Variants in LMAN2L observed in about 807,000 individuals in gnomAD.
LMAN2L encodes the protein VIP36-like protein.
LMAN2L carries 30 observed loss-of-function variants against 44.3 expected under a neutral mutation model. The ratio of observed to expected loss-of-function variants is 0.68; its 90% confidence interval spans 0.51 to 0.92. The LOEUF (loss-of-function observed/expected upper bound fraction) is 0.92, where lower values mean the gene tolerates loss of function less well. LMAN2L is among the 40% of genes least tolerant of loss of function. The pLI is 0.00. For missense variants in LMAN2L, 429 were observed against 446.1 expected, an observed-to-expected ratio of 0.96 and a Z score of 0.35; for synonymous variants, 183 against 171.1, an observed-to-expected ratio of 1.07 and a Z score of -0.54.
chr2:96,714,856 G>A (rs963157064), intron 4 of LMAN2L, among the ~76,000 whole-genome samples: 3 of 152,224 alleles, frequency 2.0e-5, no homozygotes, highest in Admixed American at 1.3e-4. Flanking sequence ...GGGAGCACCT[G>A]AAGGAGCTTG....
intron 4 of LMAN2L, among the ~76,000 whole-genome samples, chr2:96,718,373 A>AT (rs2153325104): frequency 6.6e-6 from 1 of 152,318 alleles, no homozygotes; most frequent in East Asian, 1.9e-4. Context: ...TATATCTGCA[A>AT]TTTTTTAAAC....
At chr2:96,707,861 T>G (rs770635031) in intron 6 of LMAN2L, 28 bp from the exon 7 acceptor site, 2 of 1,610,822 alleles carry the variant, frequency 1.2e-6, no homozygotes, top group East Asian at 4.5e-5. Flanking sequence ...AAGGATGACT[T>G]GTGCCACTTG....
At chr2:96,732,324 T>C (rs555294560) in intron 4 of LMAN2L, among the ~76,000 whole-genome samples, 2 of 151,746 alleles carry the variant, frequency 1.3e-5, no homozygotes, top group African/African-American at 4.8e-5. Context: ...CCGTAGGACA[T>C]AGAGAGAGTA....
chr2:96,719,113 A>G (rs535196274), intron 4 of LMAN2L, among the ~76,000 whole-genome samples: 1 of 152,244 alleles, frequency 6.6e-6, no homozygotes, highest in South Asian at 2.1e-4. Context: ...CCCATTATGT[A>G]TGTCTTTATT....
intron 6 of LMAN2L, among the ~76,000 whole-genome samples, chr2:96,709,481 G>A (rs1479997506): frequency 4.6e-5 from 7 of 152,188 alleles, no homozygotes; most frequent in Admixed American, 3.9e-4. Context: ...TACTAGGTTG[G>A]TTACTGACTG....
rs76352910 is a variant in LMAN2L, at chr2:96,724,321, C to T, written c.507+9198G>A. 9.1e-3 allele frequency among the ~76,000 whole-genome samples: 1,383 copies of T among 152,196 alleles called. 19 individuals are homozygous for T. Among genetic ancestry groups the T allele is most frequent in the African/African-American group, 0.031 (1,290 of 41,522 alleles). ...GGTTATTCTGAGTCCCTTGAATTTC[C>T]ATATGGATGTTAAGATCAGCTTGTG... On this transcript the variant is annotated intron_variant, in intron 4 of 7. Coordinates refer to ENST00000264963, the MANE Select transcript of LMAN2L (RefSeq NM_030805.4).
chr2:96,739,701 T>G (rs1481335968), intron 1 of LMAN2L, among the ~76,000 whole-genome samples, 153 bp downstream of exon 1: 1 of 152,118 alleles, frequency 6.6e-6, no homozygotes, highest in African/African-American at 2.4e-5. Flanking sequence ...TTCAGACCTG[T>G]GGCTCCCAAA....
intron 4 of LMAN2L, among the ~76,000 whole-genome samples, chr2:96,714,903 G>C (rs935005528): frequency 6.6e-6 from 1 of 152,132 alleles, no homozygotes; most frequent in Non-Finnish European, 1.5e-5. Context: ...CAGTCAAAGA[G>C]TCTCATTCGT....
chr2:96,716,969 C>T (rs2078052152), intron 4 of LMAN2L, among the ~76,000 whole-genome samples: 2 of 152,166 alleles, frequency 1.3e-5, no homozygotes, highest in South Asian at 4.2e-4. Context: ...GACTTTCTTT[C>T]ATTATAAAGG....
intron 4 of LMAN2L, among the ~76,000 whole-genome samples, chr2:96,717,828 A>G (rs953386448): frequency 1.3e-5 from 2 of 151,252 alleles, no homozygotes; most frequent in Non-Finnish European, 3.0e-5. Flanking sequence ...AACAAGAGCA[A>G]AACTCTGTCT....
intron 4 of LMAN2L, among the ~76,000 whole-genome samples, chr2:96,718,502 T>C (rs1200852494): frequency 6.6e-6 from 1 of 152,200 alleles, no homozygotes; most frequent in Admixed American, 6.5e-5. Context: ...TATATAAAAA[T>C]AATTAACAAA....
intron 4 of LMAN2L, among the ~76,000 whole-genome samples, chr2:96,732,787 CT>C (rs1258834482): frequency 6.8e-6 from 1 of 147,678 alleles, no homozygotes; most frequent in Non-Finnish European, 1.5e-5. Context: ...CCTTTTCTTT[CT>C]TTCTTTTTTT....
Position 96,707,141 on chromosome 2 carries a change from G to T in LMAN2L, c.*115C>A. ...TTCAAAACTCCAGTGACAGAATATA[G>T]TCCCCAACCAGCTGCTAGAGACAAG... On this transcript the variant is annotated 3_prime_UTR_variant, in exon 8 of 8. Coordinates refer to ENST00000264963, the MANE Select transcript of LMAN2L (RefSeq NM_030805.4). 1.0e-6 allele frequency: 1 copy of T among 1,003,348 alleles called. No individual in the cohort carries two copies. 62.2% of individuals were successfully genotyped at this position (1,003,348 alleles called of 1,614,324 possible).
intron 4 of LMAN2L, among the ~76,000 whole-genome samples, 178 bp from the exon 5 acceptor site, chr2:96,712,203 T>C (rs2077942329): frequency 2.0e-5 from 3 of 152,124 alleles, no homozygotes; most frequent in Admixed American, 2.0e-4. Context: ...TCAAGGGAAA[T>C]GGGCCCAGGA....
intron 6 of LMAN2L, among the ~76,000 whole-genome samples, chr2:96,710,310 G>A (rs2077885033): frequency 1.3e-5 from 2 of 152,150 alleles, no homozygotes; most frequent in South Asian, 2.1e-4. Flanking sequence ...GCACACCTCA[G>A]TAAAGTTGAT....
At chr2:96,709,212 C>T (rs189709654) in intron 6 of LMAN2L, among the ~76,000 whole-genome samples, 145 of 152,220 alleles carry the variant, frequency 9.5e-4, no homozygotes, top group African/African-American at 2.9e-3. Context: ...TGAGCCACCG[C>T]GCCTGGCCTG....
chr2:96,727,542 G>A (rs2078296302), intron 4 of LMAN2L, among the ~76,000 whole-genome samples: 1 of 152,208 alleles, frequency 6.6e-6, no homozygotes, highest in Admixed American at 6.5e-5. Flanking sequence ...GGCTGAGGTA[G>A]GAGGATTGAG....
intron 4 of LMAN2L, among the ~76,000 whole-genome samples, chr2:96,726,321 T>C (rs974079261): frequency 6.6e-6 from 1 of 151,826 alleles, no homozygotes; most frequent in African/African-American, 2.4e-5. Flanking sequence ...ATAGAAATAG[T>C]TTTACTTCCT....
At position 96,707,021 on chromosome 2, in the gene LMAN2L, A is replaced by G; in HGVS notation, c.*235T>C. On this transcript the variant is annotated 3_prime_UTR_variant, in exon 8 of 8. Coordinates refer to ENST00000264963, the MANE Select transcript of LMAN2L (RefSeq NM_030805.4). ...TCCCACATGGAAGGACTGCAGGGAA[A>G]GGCACATCACAGCAGCATTGCCCTG... The G allele has an allele frequency of 2.7e-6, 1 of 368,794 alleles. No homozygotes were observed. The highest frequency in any genetic ancestry group is 4.9e-6 in the Non-Finnish European group (1 of 205,590). 22.8% of individuals were successfully genotyped at this position (368,794 alleles called of 1,614,324 possible). A position where few individuals can be genotyped will look rare whatever the true frequency, so the allele number is the denominator to read the frequency against.
Sources: allele counts gnomAD v4.1 joint callset (sites outside exome capture counted in the v4.1 genomes callset), GRCh38; gene constraint gnomAD v4.1.1; transcripts MANE v1.5; gene names NCBI Gene and HGNC (gene_info 2026-07-23, HGNC 2026-07-21).